The following EXOC6B variants were observed in gnomAD, a reference collection of about 807,000 sequenced individuals.
The protein encoded by EXOC6B is SEC15 homolog B.
Under a neutral mutation model 113.5 loss-of-function variants are expected in EXOC6B, and 54 were observed. The ratio of observed to expected loss-of-function variants is 0.48; its 90% CI spans 0.38 to 0.60. The LOEUF (loss-of-function observed/expected upper bound fraction) is 0.60, where lower values mean the gene tolerates loss of function less well. Ranked by LOEUF, EXOC6B falls within the 20% of genes least tolerant of loss-of-function variation. EXOC6B has a pLI of 0.00. For missense variants in EXOC6B, 797 were observed against 977.5 expected (o/e 0.82, Z 2.46); for synonymous variants, 357 against 339.0 (o/e 1.05, Z -0.58).
chr2:72,641,238 G>A (rs1412442610), intron 6 of EXOC6B, among the ~76,000 whole-genome samples: 2 of 152,180 alleles, frequency 1.3e-5, no homozygotes, highest in Admixed American at 1.3e-4. Context: ...GCTCAGAGAG[G>A]GCGAGCTGAA....
intron 6 of EXOC6B, among the ~76,000 whole-genome samples, chr2:72,586,750 CAAAAAAAT>C (rs1339498022): frequency 2.7e-5 from 4 of 148,468 alleles, no homozygotes; most frequent in South Asian, 2.1e-4. Context: ...GACTCCGTCT[CAAAAAAAT>C]AAAAAAATAA....
intron 20 of EXOC6B, among the ~76,000 whole-genome samples, chr2:72,304,269 G>C (rs930346428): frequency 6.6e-6 from 1 of 152,018 alleles, no homozygotes; most frequent in African/African-American, 2.4e-5. Context: ...ATACTATAAT[G>C]AACATTTTAT....
intron 20 of EXOC6B, among the ~76,000 whole-genome samples, chr2:72,304,847 A>G (rs1198432680): frequency 6.6e-6 from 1 of 152,212 alleles, no homozygotes; most frequent in Non-Finnish European, 1.5e-5. Flanking sequence ...AATAAGCAGC[A>G]AATTCAGTAA....
rs1677720925 is a variant in EXOC6B at position 72,176,230 on chromosome 2, CT to C, written c.*3104del. On this transcript the variant is annotated 3_prime_UTR_variant, in exon 22 of 22. Coordinates refer to ENST00000272427, the MANE Select transcript of EXOC6B (RefSeq NM_015189.3). Reference sequence around the variant, plus strand: ...AAAATAAAAATGCCATTTCCAACACCTTTGTGAAAAGTAATTGTGAATGCAG... The same window carrying C: ...AAAATAAAAATGCCATTTCCAACACCTTGTGAAAAGTAATTGTGAATGCAG... 6.8e-6 allele frequency: 1 copy of C among 147,410 alleles called. No individual in the cohort carries two copies. The highest frequency in any genetic ancestry group is 2.1e-4 in the South Asian group (1 of 4,702). The allele number at this position is 147,410 out of a possible 1,614,324, so 9.1% of individuals were successfully genotyped here.
chr2:72,236,749 T>C (rs1432149801), intron 20 of EXOC6B, among the ~76,000 whole-genome samples: 1 of 152,066 alleles, frequency 6.6e-6, no homozygotes, highest in African/African-American at 2.4e-5. Flanking sequence ...CCAGATTTAG[T>C]ATAAATAGAT....
chr2:72,621,968 T>C (rs1671774020), intron 6 of EXOC6B, among the ~76,000 whole-genome samples: 1 of 152,040 alleles, frequency 6.6e-6, no homozygotes, highest in Admixed American at 6.5e-5. Flanking sequence ...AACTAAATTT[T>C]TAATTAAGAT....
chr2:72,501,923 G>C (rs575302878), intron 11 of EXOC6B, among the ~76,000 whole-genome samples: 7 of 151,778 alleles, frequency 4.6e-5, no homozygotes, highest in African/African-American at 1.7e-4. Flanking sequence ...ACCACACCTG[G>C]TTAATGTTTT....
intron 6 of EXOC6B, among the ~76,000 whole-genome samples, chr2:72,634,521 C>T (rs1370828790): frequency 6.6e-6 from 1 of 152,104 alleles, no homozygotes; most frequent in Non-Finnish European, 1.5e-5. Flanking sequence ...TACACACCAA[C>T]AGAAAGTAAC....
At chr2:72,320,465 A>G (rs894337767) in intron 20 of EXOC6B, among the ~76,000 whole-genome samples, 1 of 152,172 alleles carries the variant, frequency 6.6e-6, no homozygotes, top group Non-Finnish European at 1.5e-5. Context: ...ATCAAGGTGC[A>G]TCAATGGAGA....
chr2:72,511,863 A>C (rs1018648941), intron 11 of EXOC6B, among the ~76,000 whole-genome samples: 1 of 152,108 alleles, frequency 6.6e-6, no homozygotes, highest in African/African-American at 2.4e-5. Context: ...CTGCTGATTA[A>C]TTAGAAAAGA....
At position 72,818,311 on chromosome 2, in the gene EXOC6B, A is replaced by ATT. The variant is rs1183950982; in HGVS notation, c.113+7485_113+7486dup. ...AGGTGCCTGCCACCAGGCCCAGCTA[A>ATT]TTTTTTTTTTTTTTTTTTTTTTTGT... On this transcript the variant is annotated intron_variant, in intron 1 of 21. Coordinates refer to ENST00000272427, the MANE Select transcript of EXOC6B (RefSeq NM_015189.3). Among the ~76,000 whole-genome samples the ATT allele has an allele frequency of 2.8e-3, 332 of 117,780 alleles. 1 individual carries two copies. Among genetic ancestry groups the ATT allele is most frequent in the Non-Finnish European group, 3.2e-3 (186 of 57,772 alleles). 77.3% of individuals were successfully genotyped at this position (117,780 alleles called of 152,430 possible).
At chr2:72,782,430 A>C (rs1684108258) in intron 1 of EXOC6B, among the ~76,000 whole-genome samples, 1 of 152,134 alleles carries the variant, frequency 6.6e-6, no homozygotes, top group Non-Finnish European at 1.5e-5. Context: ...CTTTGTGGGA[A>C]AATGTGTGAT....
intron 11 of EXOC6B, among the ~76,000 whole-genome samples, chr2:72,506,824 A>T (rs541945625): frequency 6.6e-6 from 1 of 152,074 alleles, no homozygotes; most frequent in Non-Finnish European, 1.5e-5. Context: ...CATATTTTGG[A>T]CTGAAGGACT....
At chr2:72,673,656 T>A (rs950519331) in intron 6 of EXOC6B, among the ~76,000 whole-genome samples, 2 of 152,050 alleles carry the variant, frequency 1.3e-5, no homozygotes, top group Admixed American at 6.6e-5. Context: ...GATCCAGTCC[T>A]GAAACTTTCA....
At chr2:72,531,655 G>A (rs554360139) in intron 8 of EXOC6B, among the ~76,000 whole-genome samples, 2 of 152,150 alleles carry the variant, frequency 1.3e-5, no homozygotes, top group Non-Finnish European at 2.9e-5. Context: ...TCCCAAGACA[G>A]AAGAGTATCT....
intron 18 of EXOC6B, among the ~76,000 whole-genome samples, chr2:72,459,824 A>G (rs1697506623): frequency 6.6e-6 from 1 of 152,156 alleles, no homozygotes; most frequent in Non-Finnish European, 1.5e-5. Context: ...CAAGCTACCA[A>G]TGACTTTCTT....
Position 72,318,898 on chromosome 2 carries a change from TAA to T in EXOC6B, c.2196+16047_2196+16048del, listed in dbSNP as rs76837934. ...TACACTCTAATACCTATGAAGTTAA[TAA>T]AAAAAAAAAAACCTTAAAATCATAA... On this transcript the variant is annotated intron_variant, in intron 20 of 21. Transcript: ENST00000272427. Among the ~76,000 whole-genome samples, 758 of 143,390 alleles carry T rather than the reference TAA, an allele frequency of 5.3e-3. 6 individuals are homozygous for T. Among genetic ancestry groups the T allele is most frequent in the African/African-American group, 0.017 (683 of 40,262 alleles). The allele number at this position is 143,390 out of a possible 152,430, so 94.1% of individuals were successfully genotyped here.
At chr2:72,401,524 CATATATATATATATATATATGTGTAT>C (rs1558630320) in intron 18 of EXOC6B, among the ~76,000 whole-genome samples, 8 of 29,702 alleles carry the variant, frequency 2.7e-4, no homozygotes, top group African/African-American at 1.8e-3. Context: ...TACATATATA[CATATATATATATATATATATGTGTAT>C]ATATATATAT....
At chr2:72,551,109 T>C (rs1703196858) in intron 8 of EXOC6B, among the ~76,000 whole-genome samples, 1 of 152,148 alleles carries the variant, frequency 6.6e-6, no homozygotes, top group Non-Finnish European at 1.5e-5. Context: ...ATGAGAAAGG[T>C]AGCCTAACAA....
Sources: gnomAD v4.1 joint callset for allele counts (sites outside exome capture counted in the v4.1 genomes callset) on GRCh38, gnomAD v4.1.1 for gene constraint, MANE v1.5 for transcripts, NCBI Gene and HGNC (gene_info 2026-07-23, HGNC 2026-07-21) for gene names.